The following PCDHGA5 variants were observed in gnomAD, a reference collection of about 807,000 sequenced individuals.
PCDHGA5 encodes protocadherin gamma-A5.
A neutral mutation model predicts 56.7 loss-of-function variants in PCDHGA5; 36 were observed. The ratio of observed to expected loss-of-function variants is 0.64; its 90% CI spans 0.49 to 0.84. The LOEUF (loss-of-function observed/expected upper bound fraction) is 0.84, where lower values mean the gene tolerates loss of function less well. Among genes scored for constraint, PCDHGA5 ranks in the 40% least tolerant of loss-of-function variants. PCDHGA5 has a pLI of 0.00. For missense variants in PCDHGA5, 1,305 were observed against 1,201.5 expected, an observed-to-expected ratio of 1.09 and a Z score of -1.27; for synonymous variants, 563 against 520.2, an observed-to-expected ratio of 1.08 and a Z score of -1.12.
chr5:141,384,674 T>C (rs748841666), intron 1 of PCDHGA5: 9 of 1,614,038 alleles, frequency 5.6e-6, no homozygotes, highest in Non-Finnish European at 8.5e-7. Context: ...ACCAAGGTGG[T>C]GGCGGTGGAC....
At chr5:141,460,983 G>GTGTGTA (rs1554142949) in intron 1 of PCDHGA5, among the ~76,000 whole-genome samples, 82 of 137,842 alleles carry the variant, frequency 5.9e-4, no homozygotes, top group African/African-American at 1.9e-3. Flanking sequence ...GTGTGTGTGT[G>GTGTGTA]TATATATATA....
At chr5:141,408,667 C>G in intron 1 of PCDHGA5, 1 of 1,613,954 alleles carries the variant, frequency 6.2e-7, no homozygotes, top group Non-Finnish European at 8.5e-7. Context: ...TATCGCTTGA[C>G]CCTGCCACGG....
chr5:141,372,112 C>A (rs1170751793), intron 1 of PCDHGA5: 7 of 1,613,708 alleles, frequency 4.3e-6, no homozygotes, highest in South Asian at 1.1e-5. Flanking sequence ...GAAGGCTCTG[C>A]GCTCTTCGAT....
rs538734954 is a variant in PCDHGA5 at position 141,494,863 on chromosome 5, C to T, written c.2478C>T (p.Ser826=). The change falls in exon 2 of 4, where the codon AGC becomes AGT. Residue 826 remains serine, a splice_region_variant and synonymous_variant. Coordinates refer to ENST00000518069, the MANE Select transcript of PCDHGA5 (RefSeq NM_018918.3). The part of the protein sequence containing the change: ...RFSQAQRPGT[S]GSQNGDDTGT... ...CTCAGGCCCAGAGACCCGGCACCAG[C>T]GGGTAGGTGACTGATTCTCCAGCCC... 2 of 1,614,118 alleles carry T rather than the reference C, an allele frequency of 1.2e-6. No individual in the cohort carries two copies. Among genetic ancestry groups the T allele is most frequent in the East Asian group, 2.2e-5 (1 of 44,874 alleles).
Position 141,393,932 on chromosome 5 carries a change from C to A in PCDHGA5, c.2421+27181C>A, listed in dbSNP as rs758815375. 2.7e-5 allele frequency: 44 copies of A among 1,613,798 alleles called. No individual in the cohort carries two copies. Among genetic ancestry groups the A allele is most frequent in the Non-Finnish European group, 3.6e-5 (43 of 1,179,882 alleles). On this transcript the variant is annotated intron_variant, in intron 1 of 3. Coordinates refer to ENST00000518069, the MANE Select transcript of PCDHGA5 (RefSeq NM_018918.3). Reference sequence around the variant, plus strand: ...TAATTGCCTTCTTGAGTGTGCATGACCAAGACTCTGGAAAGAATGGTCAAG... The same window carrying A: ...TAATTGCCTTCTTGAGTGTGCATGAACAAGACTCTGGAAAGAATGGTCAAG...
At position 141,415,593 on chromosome 5, in the gene PCDHGA5, G is replaced by A. The variant is rs201857595; in HGVS notation, c.2421+48842G>A. ...TAGATGATTCGAAGTTTCCTATAGA[G>A]GATACCCCATTGGTTCCAGTGAGTT... On this transcript the variant is annotated intron_variant, in intron 1 of 3. Transcript: ENST00000518069. The A allele has an allele frequency of 7.6e-5, 122 of 1,613,876 alleles. No homozygotes were observed. In the East Asian group the frequency reaches 2.7e-3, roughly 35 times the overall value.
intron 1 of PCDHGA5, chr5:141,376,535 G>A (rs1194313716): frequency 6.2e-7 from 1 of 1,613,586 alleles, no homozygotes; most frequent in South Asian, 1.1e-5. Context: ...TAAGCGGGAA[G>A]AGTAATCTGA....
At position 141,432,727 on chromosome 5, in the gene PCDHGA5, C is replaced by T; in HGVS notation, c.2422-62080C>T. 6.2e-7 allele frequency: 1 copy of T among 1,614,090 alleles called. No individual in the cohort carries two copies. Among genetic ancestry groups the T allele is most frequent in the Non-Finnish European group, 8.5e-7 (1 of 1,179,996 alleles). ...ACCACGGCCAGCCCCCTCTCTCCGC[C>T]ACTGTCACGCTCACCGTGGCCGTGG... On this transcript the variant is annotated intron_variant, in intron 1 of 3. Transcript: ENST00000518069. The surrounding 1 kb of genome is among the most constrained non-coding windows in gnomAD (Gnocchi z 6.0).
chr5:141,431,554 C>A lies in PCDHGA5; in HGVS notation c.2422-63253C>A, dbSNP rs766242338. On this transcript the variant is annotated intron_variant, in intron 1 of 3. Coordinates refer to ENST00000518069, the MANE Select transcript of PCDHGA5 (RefSeq NM_018918.3). The surrounding 1 kb of genome is among the most constrained non-coding windows in gnomAD (Gnocchi z 4.8). ...TGGGCACGCAGCTGCTTGTAGTCAA[C>A]GCTACCGACCCTGACGAAGGAGTCA... 1.2e-6 allele frequency: 2 copies of A among 1,614,008 alleles called. No individual in the cohort carries two copies. Among genetic ancestry groups the A allele is most frequent in the African/African-American group, 1.3e-5 (1 of 74,942 alleles).
intron 1 of PCDHGA5, chr5:141,409,346 G>A (rs573212606): frequency 4.3e-6 from 7 of 1,613,998 alleles, no homozygotes; most frequent in South Asian, 2.2e-5. Context: ...AAATGGAGAA[G>A]TCAGGTGTAA....
At chr5:141,452,524 C>T (rs542476667) in intron 1 of PCDHGA5, among the ~76,000 whole-genome samples, 83 of 152,294 alleles carry the variant, frequency 5.4e-4, no homozygotes, top group African/African-American at 1.9e-3. Flanking sequence ...CCCTCAAAAT[C>T]GTGAGTTCAT....
chr5:141,487,314 A>G lies in PCDHGA5; in HGVS notation c.2422-7493A>G. ...GGCTCATTCGTGGCACTACTCTCTAAGTGTCTTCGTGGGGCAGCCTGTGGA... is the reference window on the plus strand; with the variant it reads ...GGCTCATTCGTGGCACTACTCTCTAGGTGTCTTCGTGGGGCAGCCTGTGGA... On this transcript the variant is annotated intron_variant, in intron 1 of 3. Transcript: ENST00000518069. The surrounding 1 kb of genome is among the most constrained non-coding windows in gnomAD (Gnocchi z 5.0). The G allele has an allele frequency of 6.2e-7, 1 of 1,614,002 alleles. No individual in the cohort carries two copies. Among genetic ancestry groups the G allele is most frequent in the African/African-American group, 1.3e-5 (1 of 74,994 alleles).
intron 1 of PCDHGA5, among the ~76,000 whole-genome samples, chr5:141,457,926 GGGCTTTTATT>G (rs1398565105): frequency 6.6e-6 from 1 of 151,120 alleles, no homozygotes; most frequent in Non-Finnish European, 1.5e-5. Context: ...TCTCCCCAAG[GGGCTTTTATT>G]GGCTCTGCAT....
chr5:141,423,474 T>C, intron 1 of PCDHGA5: 1 of 1,614,004 alleles, frequency 6.2e-7, no homozygotes, highest in Non-Finnish European at 8.5e-7. Flanking sequence ...GGGTACAGGC[T>C]TTCCTGCAAA....
At chr5:141,510,795 G>A in intron 3 of PCDHGA5, 152 bp from the exon 4 acceptor site, 6 of 1,465,214 alleles carry the variant, frequency 4.1e-6, no homozygotes, top group Non-Finnish European at 5.5e-6. Context: ...CTTGTGAAGA[G>A]AGACTACCTT....
intron 1 of PCDHGA5, chr5:141,399,619 G>T (rs749025661): frequency 1.2e-6 from 2 of 1,613,784 alleles, no homozygotes; most frequent in Non-Finnish European, 1.7e-6. Flanking sequence ...TCTGGCACTG[G>T]CCTCTTACGT....
At chr5:141,436,991 T>G (rs1016670604) in intron 1 of PCDHGA5, among the ~76,000 whole-genome samples, 2 of 152,238 alleles carry the variant, frequency 1.3e-5, no homozygotes, top group African/African-American at 4.8e-5. Flanking sequence ...AGAAGCAGTT[T>G]ACTTCAATGG....
intron 1 of PCDHGA5, among the ~76,000 whole-genome samples, chr5:141,456,765 C>A (rs1468235444): frequency 2.0e-5 from 3 of 151,852 alleles, no homozygotes; most frequent in Non-Finnish European, 2.9e-5. Context: ...GAGTTTGAGA[C>A]CAGCCTGGCC....
intron 1 of PCDHGA5, chr5:141,428,734 A>G (rs922346225): frequency 1.9e-5 from 3 of 158,252 alleles, no homozygotes; most frequent in Non-Finnish European, 2.8e-5. Context: ...TAAACATATT[A>G]TATCTACTAT....
Sources: gnomAD v4.1 joint callset for allele counts (sites outside exome capture counted in the v4.1 genomes callset) on GRCh38, gnomAD v4.1.1 for gene constraint, Gnocchi (gnomAD v3.1) non-coding constraint, MANE v1.5 for transcripts, NCBI Gene and HGNC (gene_info 2026-07-23, HGNC 2026-07-21) for gene names.